Variants in ZNF678 observed in about 807,000 individuals in gnomAD.
The protein encoded by ZNF678 is zinc finger protein 678, also known as hypothetical protein MGC42493.
Under a neutral mutation model 3.0 loss-of-function variants are expected in ZNF678, and 5 were observed. The observed-to-expected ratio is 1.69, with a 90% CI of 0.88 to 3.56. The LOEUF (loss-of-function observed/expected upper bound fraction) is 3.56, where lower values mean the gene tolerates loss of function less well. Among genes scored for constraint, ZNF678 ranks in the 30% most tolerant of loss-of-function variants. The pLI, the probability that ZNF678 is intolerant of heterozygous loss-of-function variation, is 0.00. For synonymous variants in ZNF678, 218 were observed against 199.6 expected, an observed-to-expected ratio of 1.09 and a Z score of -0.78; for missense variants, 593 against 605.0, an observed-to-expected ratio of 0.98 and a Z score of 0.21.
At chr1:227,570,719 T>G (rs1404412993) in intron 1 of ZNF678, among the ~76,000 whole-genome samples, 1 of 152,164 alleles carries the variant, frequency 6.6e-6, no homozygotes, top group Non-Finnish European at 1.5e-5. Context: ...GGAACTCCTA[T>G]TCCATCATCT....
intron 5 of ZNF678, among the ~76,000 whole-genome samples, chr1:227,673,549 G>A (rs767429719): frequency 6.6e-6 from 1 of 152,032 alleles, no homozygotes; most frequent in South Asian, 2.1e-4. Flanking sequence ...AACTTTTCCC[G>A]GCCAAACACT....
At chr1:227,617,939 T>G (rs1446294746) in intron 1 of ZNF678, among the ~76,000 whole-genome samples, 2 of 152,072 alleles carry the variant, frequency 1.3e-5, no homozygotes, top group Non-Finnish European at 2.9e-5. Flanking sequence ...AATGGAGTCA[T>G]GAACAAAGTG....
At chr1:227,634,119 G>A (rs367945771) in intron 1 of ZNF678, among the ~76,000 whole-genome samples, 33 of 152,250 alleles carry the variant, frequency 2.2e-4, no homozygotes, top group African/African-American at 5.5e-4. Context: ...CTATACACCC[G>A]CTGGGCCAGA....
At chr1:227,618,385 G>T (rs530176663) in intron 1 of ZNF678, among the ~76,000 whole-genome samples, 46 of 152,336 alleles carry the variant, frequency 3.0e-4, no homozygotes, top group African/African-American at 9.9e-4. Context: ...TGGAACTTTG[G>T]TGGGTCTGTC....
intron 1 of ZNF678, among the ~76,000 whole-genome samples, chr1:227,626,080 A>G (rs1414451485): frequency 6.6e-6 from 1 of 152,182 alleles, no homozygotes; most frequent in African/African-American, 2.4e-5. Flanking sequence ...GTACAGCAGT[A>G]TGGAGCTACT....
At chr1:227,593,356 G>T (rs999092046) in intron 1 of ZNF678, among the ~76,000 whole-genome samples, 3 of 152,150 alleles carry the variant, frequency 2.0e-5, no homozygotes, top group African/African-American at 4.8e-5. Context: ...CTTTAACTTC[G>T]ATGACCCTCT....
chr1:227,648,313 C>T (rs968845235), intron 2 of ZNF678, among the ~76,000 whole-genome samples: 13 of 152,048 alleles, frequency 8.5e-5, no homozygotes, highest in African/African-American at 2.7e-4. Context: ...TACACACATA[C>T]GCATGCATGC....
intron 5 of ZNF678, among the ~76,000 whole-genome samples, chr1:227,669,990 A>G (rs1172426824): frequency 6.6e-6 from 1 of 152,228 alleles, no homozygotes; most frequent in Non-Finnish European, 1.5e-5. Flanking sequence ...GAAAACGTAC[A>G]TTTACACCAT....
intron 1 of ZNF678, among the ~76,000 whole-genome samples, chr1:227,577,986 T>C (rs1357626599): frequency 2.0e-5 from 3 of 152,234 alleles, no homozygotes; most frequent in African/African-American, 7.2e-5. Context: ...ATTTCTTTTT[T>C]GCTTATGAAT....
intron 3 of ZNF678, among the ~76,000 whole-genome samples, chr1:227,651,702 C>G (rs1202863463): frequency 2.0e-5 from 3 of 152,160 alleles, no homozygotes; most frequent in African/African-American, 7.2e-5. Flanking sequence ...GTGCTTTTAG[C>G]AGGGTATTAC....
intron 1 of ZNF678, among the ~76,000 whole-genome samples, chr1:227,591,983 G>A (rs11807529): frequency 0.19 from 29,613 of 152,046 alleles, 3,045 homozygotes; most frequent in East Asian, 0.25. Flanking sequence ...AGGAGGGCTT[G>A]TCTTCTTCAG....
intron 1 of ZNF678, among the ~76,000 whole-genome samples, chr1:227,588,152 G>A (rs1657310865): frequency 6.6e-6 from 1 of 152,126 alleles, no homozygotes; most frequent in Non-Finnish European, 1.5e-5. Context: ...TCCCTGCAAA[G>A]GACATGATCT....
intron 1 of ZNF678, among the ~76,000 whole-genome samples, chr1:227,593,064 G>A (rs1299999809): frequency 6.6e-6 from 1 of 152,238 alleles, no homozygotes; most frequent in African/African-American, 2.4e-5. Flanking sequence ...TGGCCCTTGG[G>A]GGCTGACCCG....
chr1:227,604,014 A>G (rs1657802602), intron 1 of ZNF678, among the ~76,000 whole-genome samples: 1 of 152,212 alleles, frequency 6.6e-6, no homozygotes, highest in African/African-American at 2.4e-5. Context: ...GCATTATTTA[A>G]TTCATTTTGA....
chr1:227,586,013 G>C (rs912988703), intron 1 of ZNF678, among the ~76,000 whole-genome samples: 1 of 152,050 alleles, frequency 6.6e-6, no homozygotes, highest in African/African-American at 2.4e-5. Context: ...TATTCAACAT[G>C]TCCACTTTTC....
At chr1:227,665,312 T>A (rs1659482833), downstream of ZNF678, among the ~76,000 whole-genome samples, 1 of 152,170 alleles carries the variant, frequency 6.6e-6, no homozygotes, top group Non-Finnish European at 1.5e-5. Context: ...AATTACACAT[T>A]CCAGTGACTT....
Position 227,656,258 on chromosome 1 carries a change from C to G in ZNF678, c.*430C>G, listed in dbSNP as rs1192792076. On this transcript the variant is annotated 3_prime_UTR_variant, in exon 4 of 4. Coordinates refer to ENST00000343776, the MANE Select transcript of ZNF678 (RefSeq NM_001367909.1). ...ACTGTAGAAAGTACTAAGGCACTAACAGTTTCAGATGTTACTTTAAAGCAG... is the reference window on the plus strand; with the variant it reads ...ACTGTAGAAAGTACTAAGGCACTAAGAGTTTCAGATGTTACTTTAAAGCAG... 6.6e-6 allele frequency: 1 copy of G among 152,304 alleles called. No individual in the cohort carries two copies. The highest frequency in any genetic ancestry group is 2.4e-5 in the African/African-American group (1 of 41,398). 9.4% of individuals were successfully genotyped at this position (152,304 alleles called of 1,614,324 possible). A position where few individuals can be genotyped will look rare whatever the true frequency, so the allele number is the denominator to read the frequency against.
At chr1:227,587,816 CT>C (rs199804279) in intron 1 of ZNF678, among the ~76,000 whole-genome samples, 18,770 of 127,556 alleles carry the variant, frequency 0.15, 1,427 homozygotes, top group East Asian at 0.39. Flanking sequence ...TCACCCTTTC[CT>C]TTTTTTTTTT....
intron 1 of ZNF678, among the ~76,000 whole-genome samples, chr1:227,625,237 C>T (rs1051024803): frequency 1.6e-4 from 25 of 152,190 alleles, no homozygotes; most frequent in Non-Finnish European, 2.1e-4. Flanking sequence ...CTTAGGAATT[C>T]TTCGTCGGCC....
Sources: allele counts gnomAD v4.1 joint callset (sites outside exome capture counted in the v4.1 genomes callset), GRCh38; gene constraint gnomAD v4.1.1; transcripts MANE v1.5; gene names NCBI Gene and HGNC (gene_info 2026-07-23, HGNC 2026-07-21).